Variants in NBAS observed in about 807,000 individuals in gnomAD.
The protein encoded by NBAS is NAG/BC035112 fusion.
A neutral mutation model predicts 302.5 loss-of-function variants in NBAS; 219 were observed. The ratio of observed to expected loss-of-function variants is 0.72; its 90% CI spans 0.65 to 0.81. NBAS has a LOEUF of 0.81. NBAS is among the 30% of genes least tolerant of loss of function. The pLI is 0.00. For synonymous variants in NBAS, 1,118 were observed against 1,021.6 expected (o/e 1.09, Z -1.80); for missense variants, 2,932 against 2,841.6 (o/e 1.03, Z -0.72).
chr2:15,308,179 T>G (rs761792694), intron 40 of NBAS, 37 bp downstream of exon 40: 63 of 1,613,736 alleles, frequency 3.9e-5, no homozygotes, highest in Non-Finnish European at 4.6e-5. Flanking sequence ...AAGGCTTAAC[T>G]CTGCTCAATA....
the NBAS span, among the ~76,000 whole-genome samples, chr2:14,828,689 A>ATGGT: frequency 6.6e-6 from 1 of 152,198 alleles, no homozygotes; most frequent in African/African-American, 2.4e-5. Context: ...GTAGGACATG[A>ATGGT]TGGTGCCTGA....
chr2:15,424,590 G>A, intron 22 of NBAS, 122 bp from the exon 23 acceptor site: 1 of 1,133,240 alleles, frequency 8.8e-7, no homozygotes, highest in Non-Finnish European at 1.3e-6. Flanking sequence ...ATACATGTAT[G>A]TGGTTTGTGT....
chr2:15,169,935 T>TC (rs1476003474), intron 51 of NBAS, among the ~76,000 whole-genome samples: 5 of 152,090 alleles, frequency 3.3e-5, no homozygotes, highest in African/African-American at 1.2e-4. Flanking sequence ...AAACAAAGAA[T>TC]CCCCCTGCCT....
intron 50 of NBAS, chr2:15,179,487 G>A: frequency 3.8e-6 from 1 of 264,220 alleles, no homozygotes; most frequent in Non-Finnish European, 7.5e-6. Context: ...TTGTGTGTGT[G>A]TGTGTGTGAG....
intron 28 of NBAS, among the ~76,000 whole-genome samples, chr2:15,385,567 C>A (rs538578205): frequency 6.6e-6 from 1 of 152,254 alleles, no homozygotes; most frequent in African/African-American, 2.4e-5. Flanking sequence ...TGCAAATTAA[C>A]AGACAGATCC....
chr2:14,797,654 G>A, the NBAS span, among the ~76,000 whole-genome samples: 431 of 110,230 alleles, frequency 3.9e-3, 1 homozygote, highest in South Asian at 5.1e-3. Flanking sequence ...TGTGCACTGT[G>A]GCCCGGCCTC....
intron 6 of NBAS, among the ~76,000 whole-genome samples, chr2:15,539,560 T>C (rs189493819): frequency 1.3e-5 from 2 of 152,302 alleles, no homozygotes; most frequent in East Asian, 3.9e-4. Context: ...CCACTGCAAC[T>C]ATGCCCTATT....
the NBAS span, among the ~76,000 whole-genome samples, chr2:15,099,629 C>A: frequency 6.6e-6 from 1 of 151,108 alleles, no homozygotes; most frequent in Non-Finnish European, 1.5e-5. Flanking sequence ...TCACAATGAC[C>A]CTGGCACGCT....
At chr2:15,429,375 A>G (rs1013096032) in intron 21 of NBAS, among the ~76,000 whole-genome samples, 1 of 152,200 alleles carries the variant, frequency 6.6e-6, no homozygotes, top group Non-Finnish European at 1.5e-5. Flanking sequence ...CAATAGTAGC[A>G]TTTTCCTAAA....
chr2:14,789,906 C>G, the NBAS span, among the ~76,000 whole-genome samples: 10 of 152,292 alleles, frequency 6.6e-5, no homozygotes, highest in African/African-American at 2.4e-4. Flanking sequence ...GAAACTGGAC[C>G]TAATGCGGGA....
Position 15,330,785 on chromosome 2 carries a change from T to C in NBAS, c.4180-20A>G, listed in dbSNP as rs1553373498. 6 of 1,612,194 alleles carry C rather than the reference T, an allele frequency of 3.7e-6. No homozygotes were observed. Among genetic ancestry groups the C allele is most frequent in the South Asian group, 2.2e-5 (2 of 90,842 alleles). On this transcript the variant is annotated intron_variant, in intron 35 of 51. Transcript: ENST00000281513. Reference sequence around the variant, plus strand: ...TTCATCCTGTATTAAAGAAACAAAATAGCAAGGGCAAAAATGCATTACCAT... The same window carrying C: ...TTCATCCTGTATTAAAGAAACAAAACAGCAAGGGCAAAAATGCATTACCAT...
chr2:15,558,073 A>G (rs2148719258), intron 2 of NBAS, among the ~76,000 whole-genome samples: 2 of 152,310 alleles, frequency 1.3e-5, no homozygotes, highest in Middle Eastern at 6.8e-3. Context: ...CTTCTAGAAC[A>G]GCGTCCCCCA....
chr2:15,438,693 G>C (rs995683787), intron 21 of NBAS, among the ~76,000 whole-genome samples: 1 of 152,210 alleles, frequency 6.6e-6, no homozygotes, highest in Non-Finnish European at 1.5e-5. Flanking sequence ...GGGCTGCAGA[G>C]ACAGAGTTTG....
chr2:15,396,568 TTTC>T, intron 26 of NBAS, 93 bp from the exon 27 acceptor site: 1 of 814,028 alleles, frequency 1.2e-6, no homozygotes, highest in South Asian at 1.8e-5. Flanking sequence ...AAAAAAGATG[TTTC>T]TTTTATATGT....
intron 10 of NBAS, among the ~76,000 whole-genome samples, chr2:15,508,855 T>C (rs998361841): frequency 6.6e-6 from 1 of 151,982 alleles, no homozygotes; most frequent in African/African-American, 2.4e-5. Context: ...AGACAAAAAT[T>C]AGCCGGGCAT....
At chr2:15,524,514 G>A (rs1662828249) in intron 9 of NBAS, among the ~76,000 whole-genome samples, 1 of 152,198 alleles carries the variant, frequency 6.6e-6, no homozygotes, top group Non-Finnish European at 1.5e-5. Context: ...CATGCAGACA[G>A]ACAAGAGAAG....
At chr2:15,103,216 A>C in the NBAS span, among the ~76,000 whole-genome samples, 1 of 152,038 alleles carries the variant, frequency 6.6e-6, no homozygotes, top group South Asian at 2.1e-4. Flanking sequence ...TGGGTCTAGA[A>C]TGTCCTTCCT....
intron 40 of NBAS, among the ~76,000 whole-genome samples, chr2:15,295,078 T>TAA (rs1399688280): frequency 6.6e-6 from 1 of 152,248 alleles, no homozygotes; most frequent in African/African-American, 2.4e-5. Context: ...ATTTTTGACT[T>TAA]TTTATTATCT....
At chr2:15,376,677 G>C (rs1436293938) in intron 30 of NBAS, among the ~76,000 whole-genome samples, 4 of 151,978 alleles carry the variant, frequency 2.6e-5, no homozygotes, top group Non-Finnish European at 5.9e-5. Context: ...TCATCTGGGG[G>C]AAAATGAATC....
Sources: gnomAD v4.1 joint callset for allele counts (sites outside exome capture counted in the v4.1 genomes callset) on GRCh38, gnomAD v4.1.1 for gene constraint, MANE v1.5 for transcripts, NCBI Gene and HGNC (gene_info 2026-07-23, HGNC 2026-07-21) for gene names.